The following MORN5 variants were observed in gnomAD, a reference collection of about 807,000 sequenced individuals.
MORN5 encodes the protein MORN repeat containing 5, also known as MORN repeat-containing protein 5.
MORN5 carries 21 observed loss-of-function variants against 22.1 expected under a neutral mutation model. That is an observed-to-expected ratio of 0.95 (90% confidence interval 0.67 to 1.37). The LOEUF (loss-of-function observed/expected upper bound fraction) is 1.37. MORN5 is among the 40% of genes most tolerant of loss of function. The pLI is 0.00. For synonymous variants in MORN5, 73 were observed against 74.0 expected (o/e 0.99, Z 0.07); for missense variants, 211 against 215.1 (o/e 0.98, Z 0.12).
Position 122,162,994 on chromosome 9 carries a change from T to TA in MORN5, c.47+2985dup, listed in dbSNP as rs371250859. ...TCAATTACACTTCAATGTATCTACT[T>TA]AAAAAAAAAACCTTAAAAGAGACAT... On this transcript the variant is annotated intron_variant, in intron 1 of 4. Coordinates refer to ENST00000373764, the MANE Select transcript of MORN5 (RefSeq NM_198469.4). Among the ~76,000 whole-genome samples the TA allele has an allele frequency of 3.3e-3, 494 of 148,478 alleles. 5 individuals carry two copies. Among genetic ancestry groups the TA allele is most frequent in the African/African-American group, 9.9e-3 (399 of 40,388 alleles).
chr9:122,190,508 A>G (rs1333725654), intron 4 of MORN5, among the ~76,000 whole-genome samples: 1 of 152,284 alleles, frequency 6.6e-6, no homozygotes, highest in African/African-American at 2.4e-5. Context: ...TGCATTAATT[A>G]TAACATTTAT....
chr9:122,170,855 A>G (rs1829355421), intron 3 of MORN5, among the ~76,000 whole-genome samples: 2 of 152,194 alleles, frequency 1.3e-5, no homozygotes, highest in Non-Finnish European at 2.9e-5. Flanking sequence ...GAGGGATAGT[A>G]TTAGGAGAAA....
chr9:122,160,863 T>C (rs937511517), intron 1 of MORN5, among the ~76,000 whole-genome samples: 1 of 152,188 alleles, frequency 6.6e-6, no homozygotes, highest in East Asian at 1.9e-4. Context: ...GTGATCCTCT[T>C]GCATGAGCCA....
intron 4 of MORN5, among the ~76,000 whole-genome samples, chr9:122,183,557 T>A (rs1829567254): frequency 6.6e-6 from 1 of 152,164 alleles, no homozygotes; most frequent in African/African-American, 2.4e-5. Flanking sequence ...AGAGTGAGCA[T>A]CCCAAATTAG....
intron 2 of MORN5, among the ~76,000 whole-genome samples, chr9:122,168,126 C>A (rs1687838212): frequency 6.6e-6 from 1 of 152,218 alleles, no homozygotes; most frequent in African/African-American, 2.4e-5. Context: ...TCACAGGTTG[C>A]AGCAGACAGG....
intron 1 of MORN5, among the ~76,000 whole-genome samples, chr9:122,162,599 C>T (rs1479030701): frequency 6.6e-6 from 1 of 152,102 alleles, no homozygotes; most frequent in African/African-American, 2.4e-5. Context: ...AATGAAGAAA[C>T]TAATTGTGGT....
intron 3 of MORN5, among the ~76,000 whole-genome samples, chr9:122,171,790 T>C (rs12342883): frequency 0.032 from 4,877 of 152,076 alleles, 170 homozygotes; most frequent in East Asian, 0.18. Context: ...TCAACAAATA[T>C]TTATTGAGCA....
chr9:122,187,427 G>T (rs980396821), intron 4 of MORN5, among the ~76,000 whole-genome samples: 1 of 152,144 alleles, frequency 6.6e-6, no homozygotes, highest in Non-Finnish European at 1.5e-5. Flanking sequence ...AGAGCCTTAG[G>T]CCCCCTAAGC....
chr9:122,191,934 G>T (rs1275279597), intron 4 of MORN5, among the ~76,000 whole-genome samples: 1 of 152,224 alleles, frequency 6.6e-6, no homozygotes, highest in Non-Finnish European at 1.5e-5. Flanking sequence ...CCTTAAGGAC[G>T]CTCCCTTACA....
intron 4 of MORN5, among the ~76,000 whole-genome samples, chr9:122,178,359 C>A (rs1399073301): frequency 1.3e-5 from 2 of 152,050 alleles, no homozygotes; most frequent in African/African-American, 4.8e-5. Flanking sequence ...CATGGTGGTG[C>A]ATGCCTGTAA....
At chr9:122,169,446 G>A (rs1315288357) in intron 2 of MORN5, among the ~76,000 whole-genome samples, 199 bp from the exon 3 acceptor site, 2 of 152,196 alleles carry the variant, frequency 1.3e-5, no homozygotes, top group Non-Finnish European at 2.9e-5. Context: ...GCCAAAGTGA[G>A]TTCACCCACT....
intron 4 of MORN5, among the ~76,000 whole-genome samples, chr9:122,186,994 T>C (rs1261988346): frequency 6.6e-6 from 1 of 152,224 alleles, no homozygotes; most frequent in Non-Finnish European, 1.5e-5. Context: ...TGTGTGACCT[T>C]GAGCTAGGCC....
At chr9:122,190,774 C>G (rs1829744702) in intron 4 of MORN5, among the ~76,000 whole-genome samples, 1 of 152,282 alleles carries the variant, frequency 6.6e-6, no homozygotes. Flanking sequence ...CCTCTGGCCA[C>G]CACTGCCAGC....
At chr9:122,189,437 A>G (rs1473081837) in intron 4 of MORN5, among the ~76,000 whole-genome samples, 3 of 152,108 alleles carry the variant, frequency 2.0e-5, no homozygotes, top group Middle Eastern at 3.4e-3. Flanking sequence ...CTACAAAAAA[A>G]AGATTTTTTT....
intron 1 of MORN5, among the ~76,000 whole-genome samples, chr9:122,163,306 A>G (rs895554593): frequency 6.6e-6 from 1 of 152,178 alleles, no homozygotes; most frequent in Non-Finnish European, 1.5e-5. Context: ...CAGATGGGAA[A>G]AGTAAGGCTC....
intron 4 of MORN5, among the ~76,000 whole-genome samples, chr9:122,175,934 G>A (rs976455631): frequency 2.0e-5 from 3 of 151,988 alleles, no homozygotes; most frequent in Admixed American, 2.0e-4. Context: ...TTAACACGGT[G>A]AAACCCCGTC....
intron 4 of MORN5, among the ~76,000 whole-genome samples, chr9:122,199,680 A>T (rs1829969512): frequency 6.6e-6 from 1 of 152,130 alleles, no homozygotes; most frequent in African/African-American, 2.4e-5. Context: ...CCACAGTTAG[A>T]AACCCTTCTG....
At chr9:122,196,335 A>ATTTT (rs35655121) in intron 4 of MORN5, among the ~76,000 whole-genome samples, 1 of 136,412 alleles carries the variant, frequency 7.3e-6, no homozygotes, top group African/African-American at 2.9e-5. Context: ...AAAGCCAATA[A>ATTTT]TTTTTTTTTT....
At chr9:122,189,726 C>G (rs953608878) in intron 4 of MORN5, among the ~76,000 whole-genome samples, 1 of 152,122 alleles carries the variant, frequency 6.6e-6, no homozygotes, top group African/African-American at 2.4e-5. Context: ...CCTGCCTCAG[C>G]CTCCTGAGTA....
Sources: allele counts gnomAD v4.1 joint callset (sites outside exome capture counted in the v4.1 genomes callset), GRCh38; gene constraint gnomAD v4.1.1; transcripts MANE v1.5; gene names NCBI Gene and HGNC (gene_info 2026-07-23, HGNC 2026-07-21).